GSDMC: variants seen among roughly 807,000 people sequenced by gnomAD.
GSDMC encodes gasdermin C, also known as gasdermin-C.
GSDMC carries 59 observed loss-of-function variants against 58.0 expected under a neutral mutation model. The ratio of observed to expected loss-of-function variants is 1.02; its 90% CI spans 0.82 to 1.26. The LOEUF (loss-of-function observed/expected upper bound fraction) is 1.26. GSDMC is among the 50% of genes most tolerant of loss of function. GSDMC has a pLI of 0.00. For missense variants in GSDMC, 659 were observed against 598.5 expected, an observed-to-expected ratio of 1.10 and a Z score of -1.06; for synonymous variants, 241 against 220.2, an observed-to-expected ratio of 1.09 and a Z score of -0.83.
the GSDMC span, among the ~76,000 whole-genome samples, chr8:129,712,563 A>C: frequency 2.0e-5 from 3 of 152,104 alleles, no homozygotes; most frequent in Non-Finnish European, 4.4e-5. Flanking sequence ...CAAGACCCGA[A>C]TCATTGGGCT....
chr8:129,770,949 T>C (rs2130508159), intron 3 of GSDMC, among the ~76,000 whole-genome samples: 1 of 151,464 alleles, frequency 6.6e-6, no homozygotes, highest in African/African-American at 2.4e-5. Context: ...GAAATTCTAA[T>C]GCACAAGATG....
intron 6 of GSDMC, among the ~76,000 whole-genome samples, chr8:129,757,654 T>A (rs1245171672): frequency 6.6e-6 from 1 of 151,694 alleles, no homozygotes; most frequent in Non-Finnish European, 1.5e-5. Flanking sequence ...GATGCAAAAA[T>A]TTTCAACAAA....
the GSDMC span, among the ~76,000 whole-genome samples, chr8:129,727,023 C>CACACACACACACACAT: frequency 4.1e-3 from 613 of 150,316 alleles, 3 homozygotes; most frequent in East Asian, 9.5e-3. Context: ...CACACACACA[C>CACACACACACACACAT]ACCTATTCAC....
At chr8:129,730,674 A>T in the GSDMC span, among the ~76,000 whole-genome samples, 1 of 152,228 alleles carries the variant, frequency 6.6e-6, no homozygotes, top group Non-Finnish European at 1.5e-5. Flanking sequence ...ATTCCCAATA[A>T]ACCCATCATA....
At position 129,777,496 on chromosome 8, in the gene GSDMC, G is replaced by A. The variant is rs753238485; in HGVS notation, c.92C>T (p.Thr31Ile). ...LTPVKYLLSA[T>I]KLRQFVILRK... ...TAATATAACAAACTGACGTAATTTG[G>A]TGGCACTCAATAGGTATTTGACAGG... Residue 31 changes from threonine to isoleucine, a missense_variant, in exon 2 of 14, where the codon ACC (threonine) becomes ATC (isoleucine). Physicochemically the swap from Thr to Ile is moderately conservative, Grantham distance 89. Coordinates refer to ENST00000276708, the MANE Select transcript of GSDMC (RefSeq NM_031415.3). 1 of 1,613,066 alleles carries A rather than the reference G, an allele frequency of 6.2e-7. No individual in the cohort carries two copies.
chr8:129,738,280 C>T, the GSDMC span, among the ~76,000 whole-genome samples: 1 of 152,028 alleles, frequency 6.6e-6, no homozygotes, highest in African/African-American at 2.4e-5. Context: ...GGATCTAGAC[C>T]CATTTGACCC....
intron 13 of GSDMC, 74 bp from the exon 14 acceptor site, chr8:129,748,814 A>T: frequency 7.1e-6 from 9 of 1,259,994 alleles, no homozygotes; most frequent in Non-Finnish European, 7.5e-6. Flanking sequence ...CCCAGTATCC[A>T]GGGGCCATGC....
chr8:129,762,826 C>T (rs1214021801), intron 4 of GSDMC, 95 bp from the exon 5 acceptor site: 2 of 779,996 alleles, frequency 2.6e-6, no homozygotes, highest in East Asian at 2.5e-5. Context: ...ATCAGCATTC[C>T]CTGCTCTCAT....
intron 1 of GSDMC, among the ~76,000 whole-genome samples, chr8:129,785,485 A>C (rs969395473): frequency 6.6e-6 from 1 of 152,066 alleles, no homozygotes; most frequent in Non-Finnish European, 1.5e-5. Context: ...AATAAGATCT[A>C]GTATTCGATA....
chr8:129,756,972 A>G (rs1586585834), intron 6 of GSDMC, among the ~76,000 whole-genome samples: 2 of 152,062 alleles, frequency 1.3e-5, no homozygotes, highest in African/African-American at 4.8e-5. Flanking sequence ...TTCATAAAAA[A>G]CTACCTTATG....
the GSDMC span, among the ~76,000 whole-genome samples, chr8:129,721,305 T>C: frequency 6.6e-6 from 1 of 152,182 alleles, no homozygotes. Context: ...TACAGTAGGT[T>C]TCACTCCCAC....
chr8:129,713,141 A>G, the GSDMC span, among the ~76,000 whole-genome samples: 3 of 152,254 alleles, frequency 2.0e-5, no homozygotes, highest in Non-Finnish European at 4.4e-5. Flanking sequence ...GAGACTTGCT[A>G]GAACTGCTTT....
the GSDMC span, among the ~76,000 whole-genome samples, chr8:129,740,946 T>C: frequency 6.6e-6 from 1 of 152,154 alleles, no homozygotes; most frequent in Non-Finnish European, 1.5e-5. Context: ...CTTTTCCCTA[T>C]GTTTTCTTCT....
downstream of GSDMC, among the ~76,000 whole-genome samples, chr8:129,746,833 A>C (rs1446016590): frequency 6.6e-6 from 1 of 152,242 alleles, no homozygotes; most frequent in Non-Finnish European, 1.5e-5. Context: ...TTCTTCAAGA[A>C]CAAAGGCAAG....
chr8:129,720,621 G>A, the GSDMC span, among the ~76,000 whole-genome samples: 1 of 152,008 alleles, frequency 6.6e-6, no homozygotes, highest in African/African-American at 2.4e-5. Context: ...ATCTACATTT[G>A]CAATAATGTC....
chr8:129,752,619 A>G, intron 7 of GSDMC, 79 bp downstream of exon 7: 3 of 1,560,396 alleles, frequency 1.9e-6, no homozygotes, highest in Non-Finnish European at 2.6e-6. Context: ...CACCCCACAT[A>G]AACACCAAAT....
At chr8:129,752,584 G>A (rs947600517) in intron 7 of GSDMC, 114 bp downstream of exon 7, 19 of 1,439,962 alleles carry the variant, frequency 1.3e-5, no homozygotes, top group African/African-American at 5.6e-5. Context: ...GCAAGATGGT[G>A]CAATAGAAGC....
intron 3 of GSDMC, among the ~76,000 whole-genome samples, chr8:129,771,017 T>TCA (rs1554635221): frequency 2.0e-5 from 3 of 149,650 alleles, no homozygotes; most frequent in Non-Finnish European, 4.4e-5. Flanking sequence ...ACACATTTTT[T>TCA]TATATATATA....
intron 3 of GSDMC, 109 bp from the exon 4 acceptor site, chr8:129,765,902 G>T: frequency 1.3e-6 from 1 of 767,540 alleles, no homozygotes; most frequent in Non-Finnish European, 2.1e-6. Context: ...AATGGCTTTG[G>T]ACCCTGACAG....
Sources: gnomAD v4.1 joint callset for allele counts (sites outside exome capture counted in the v4.1 genomes callset) on GRCh38, gnomAD v4.1.1 for gene constraint, MANE v1.5 for transcripts, NCBI Gene and HGNC (gene_info 2026-07-23, HGNC 2026-07-21) for gene names.